The following ZFYVE28 variants were observed in gnomAD, a reference collection of about 807,000 sequenced individuals.
ZFYVE28 encodes the protein lateral signaling target protein 2 homolog.
A neutral mutation model predicts 82.1 loss-of-function variants in ZFYVE28; 40 were observed. The ratio of observed to expected loss-of-function variants is 0.49; its 90% confidence interval spans 0.38 to 0.63. ZFYVE28 has a LOEUF of 0.63. Ranked by LOEUF, ZFYVE28 falls within the 30% of genes least tolerant of loss-of-function variation. ZFYVE28 has a pLI of 0.00. For synonymous variants in ZFYVE28, 612 were observed against 546.1 expected (o/e 1.12, Z -1.68); for missense variants, 1,321 against 1,242.1 (o/e 1.06, Z -0.96).
rs1722405712 is a variant in ZFYVE28 at position 2,339,522 on chromosome 4, T to C, written c.452A>G (p.Asn151Ser). 3.1e-6 allele frequency: 5 copies of C among 1,613,936 alleles called. No individual in the cohort carries two copies. The highest frequency in any genetic ancestry group is 1.6e-4 in the Middle Eastern group (1 of 6,062). Reference protein sequence around the residue: ...ALRDQALRDLNTYTEKMREAL... With the variant: ...ALRDQALRDLSTYTEKMREAL... ...TTCCCTCATCTTCTCTGTGTAGGTG[T>C]TCAGGTCCCGCAGCGCCTGGTCACG... is the stretch of plus-strand genomic sequence containing the variant. The change falls in exon 4 of 13, where the codon AAC becomes AGC. Residue 151 changes from asparagine to serine, a missense_variant. Coordinates refer to ENST00000290974, the MANE Select transcript of ZFYVE28 (RefSeq NM_020972.3). The surrounding 1 kb of genome is among the most constrained non-coding windows in gnomAD (Gnocchi z 5.0).
At chr4:2,289,447 G>A (rs1713261115) in intron 8 of ZFYVE28, among the ~76,000 whole-genome samples, 1 of 152,192 alleles carries the variant, frequency 6.6e-6, no homozygotes, top group African/African-American at 2.4e-5. Context: ...CCAAAGTGAG[G>A]GGGGTGGTAT....
intron 1 of ZFYVE28, among the ~76,000 whole-genome samples, chr4:2,370,523 C>T (rs1465577606): frequency 1.3e-5 from 2 of 152,150 alleles, no homozygotes; most frequent in Non-Finnish European, 2.9e-5. Context: ...AGATCTCTTT[C>T]GACAAATCTT....
At chr4:2,340,691 G>T (rs930027225) in intron 3 of ZFYVE28, among the ~76,000 whole-genome samples, 1 of 152,176 alleles carries the variant, frequency 6.6e-6, no homozygotes, top group East Asian at 1.9e-4. Context: ...CCCACTCCAC[G>T]GAGGTGGAAA....
chr4:2,297,677 C>A (rs916095921), intron 8 of ZFYVE28, among the ~76,000 whole-genome samples: 6 of 152,244 alleles, frequency 3.9e-5, no homozygotes, highest in African/African-American at 1.2e-4. Flanking sequence ...TGAGCAGTGA[C>A]AGTGGGGTGA....
intron 1 of ZFYVE28, among the ~76,000 whole-genome samples, chr4:2,366,577 G>A (rs558632732): frequency 3.9e-5 from 6 of 152,390 alleles, no homozygotes; most frequent in South Asian, 2.1e-4. Flanking sequence ...CACAGCCATC[G>A]TCTACTCAGC....
intron 1 of ZFYVE28, among the ~76,000 whole-genome samples, chr4:2,403,663 C>T (rs1731443848): frequency 6.6e-6 from 1 of 152,194 alleles, no homozygotes; most frequent in South Asian, 2.1e-4. Flanking sequence ...GACCCACTCT[C>T]TGTCAAGAAC....
rs921198546 is a variant in ZFYVE28 at position 2,406,094 on chromosome 4, G to A, written c.39+12191C>T. 2.2e-4 allele frequency among the ~76,000 whole-genome samples: 32 copies of A among 144,074 alleles called. 1 individual carries two copies. The highest frequency in any genetic ancestry group is 6.7e-4 in the African/African-American group (25 of 37,308). The allele number at this position is 144,074 out of a possible 152,430, so 94.5% of individuals were successfully genotyped here. Reference sequence around the variant, plus strand: ...AGAAAGAAAGGAAAGAAAATTAGCCGGGCATGGTGGCACATGCCTGTAATC... The same window carrying A: ...AGAAAGAAAGGAAAGAAAATTAGCCAGGCATGGTGGCACATGCCTGTAATC... On this transcript the variant is annotated intron_variant, in intron 1 of 12. Coordinates refer to ENST00000290974, the MANE Select transcript of ZFYVE28 (RefSeq NM_020972.3).
intron 2 of ZFYVE28, among the ~76,000 whole-genome samples, chr4:2,350,028 C>CAAACAG (rs1433408785): frequency 9.5e-6 from 1 of 105,782 alleles, no homozygotes; most frequent in Non-Finnish European, 2.0e-5. Context: ...AATAGGGTGA[C>CAAACAG]ACACAGACAC....
At chr4:2,356,189 G>C (rs558958486) in intron 1 of ZFYVE28, among the ~76,000 whole-genome samples, 95 of 152,322 alleles carry the variant, frequency 6.2e-4, no homozygotes, top group African/African-American at 2.2e-3. Flanking sequence ...ACCCACACGA[G>C]GCCATCCACT....
intron 8 of ZFYVE28, among the ~76,000 whole-genome samples, chr4:2,279,772 T>TC: frequency 6.9e-6 from 1 of 145,704 alleles, no homozygotes; most frequent in Admixed American, 6.8e-5. Flanking sequence ...AGAGTGAGAC[T>TC]CCTTCAAAAA....
intron 1 of ZFYVE28, among the ~76,000 whole-genome samples, chr4:2,384,500 T>G (rs1729047141): frequency 1.3e-5 from 2 of 151,904 alleles, no homozygotes; most frequent in African/African-American, 4.8e-5. Context: ...AAATGCAGTT[T>G]GGGAGCAGGA....
rs530277726 is a variant in ZFYVE28 at position 2,386,538 on chromosome 4, A to C, written c.39+31747T>G. On this transcript the variant is annotated intron_variant, in intron 1 of 12. Transcript: ENST00000290974. The stretch of plus-strand genomic sequence containing the variant: ...GGTGACTGACTGTCCTCATAAATGA[A>C]TCCAGCCGTTTGTGGACTGAGGGTC... Among the ~76,000 whole-genome samples the C allele has an allele frequency of 3.9e-5, 6 of 152,300 alleles. No homozygotes were observed. In the South Asian group the frequency reaches 8.3e-4, roughly 21 times the overall value.
At chr4:2,361,916 G>A (rs1457484950) in intron 1 of ZFYVE28, among the ~76,000 whole-genome samples, 1 of 152,088 alleles carries the variant, frequency 6.6e-6, no homozygotes, top group Non-Finnish European at 1.5e-5. Context: ...GGCAGGTGGC[G>A]GGACAGATGG....
chr4:2,406,542 C>G (rs1358661608), intron 1 of ZFYVE28: 1 of 152,250 alleles, frequency 6.6e-6, no homozygotes, highest in Admixed American at 6.5e-5. Flanking sequence ...GCCGTGCTTA[C>G]CTGATACAGG....
At chr4:2,275,625 G>A (rs527370561) in intron 8 of ZFYVE28, among the ~76,000 whole-genome samples, 1 of 152,312 alleles carries the variant, frequency 6.6e-6, no homozygotes, top group African/African-American at 2.4e-5. Context: ...AAATGTTCGG[G>A]GATCCTCGTC....
At chr4:2,363,549 GC>G (rs1726451665) in intron 1 of ZFYVE28, among the ~76,000 whole-genome samples, 1 of 152,216 alleles carries the variant, frequency 6.6e-6, no homozygotes, top group Non-Finnish European at 1.5e-5. Flanking sequence ...AGAAGCATGT[GC>G]AGTCAGCAAT....
chr4:2,291,778 G>C (rs1488348589), intron 8 of ZFYVE28, among the ~76,000 whole-genome samples: 2 of 152,222 alleles, frequency 1.3e-5, no homozygotes, highest in Non-Finnish European at 2.9e-5. Flanking sequence ...CCACACGCCT[G>C]GCTGGTGGAG....
intron 8 of ZFYVE28, among the ~76,000 whole-genome samples, chr4:2,284,417 G>A (rs1169265853): frequency 6.6e-6 from 1 of 152,180 alleles, no homozygotes; most frequent in Non-Finnish European, 1.5e-5. Context: ...TGGGGAGGAG[G>A]AGAGCGCGAC....
chr4:2,381,164 T>TG (rs3030974), intron 1 of ZFYVE28, among the ~76,000 whole-genome samples: 51,251 of 151,768 alleles, frequency 0.34, 9,056 homozygotes, highest in East Asian at 0.49. Context: ...GATGAGGAAC[T>TG]TGTTGGGAAC....
Sources: allele counts gnomAD v4.1 joint callset (sites outside exome capture counted in the v4.1 genomes callset), GRCh38; gene constraint gnomAD v4.1.1; non-coding constraint Gnocchi (gnomAD v3.1); transcripts MANE v1.5; gene names NCBI Gene and HGNC (gene_info 2026-07-23, HGNC 2026-07-21).